ARL6IP5: variants seen among roughly 807,000 people sequenced by gnomAD.
The protein encoded by ARL6IP5 is PRA1 family protein 3.
In ARL6IP5, 6 loss-of-function variants were observed where a neutral mutation model predicts 13.0. The ratio of observed to expected loss-of-function variants is 0.46; its 90% confidence interval spans 0.25 to 0.91. The LOEUF is 0.91. ARL6IP5 is among the 40% of genes least tolerant of loss of function. The probability of loss-of-function intolerance (pLI) is 0.17; values close to 1 mark genes in which losing one functional copy is unlikely to be tolerated. For synonymous variants in ARL6IP5, 91 were observed against 91.9 expected (o/e 0.99, Z 0.06); for missense variants, 208 against 248.8 (o/e 0.84, Z 1.10).
At chr3:69,091,674 T>C (rs1211642653) in intron 1 of ARL6IP5, among the ~76,000 whole-genome samples, 6 of 137,748 alleles carry the variant, frequency 4.4e-5, no homozygotes, top group African/African-American at 8.5e-5. Flanking sequence ...TTTTTTTTTT[T>C]CAATGTTGCC....
At position 69,104,516 on chromosome 3, in the gene ARL6IP5, G is replaced by T. The variant is rs1575866161; in HGVS notation, c.447G>T (p.Glu149Asp). ...TTCGGAACCTCAAGAACAAACTGGA[G>T]AATAAAATGGAAGGAATAGGTTTGA... is the stretch of plus-strand genomic sequence containing the variant. ...LRLRNLKNKL[E>D]NKMEGIGLKR... is the part of the protein sequence containing the mutation. The change falls in exon 3 of 3, where the codon GAG (glutamate) becomes GAT (aspartate). Residue 149 changes from glutamate (E) to aspartate (D), a missense_variant. Glu to Asp is a conservative substitution (Grantham distance 45). Coordinates refer to ENST00000273258, the MANE Select transcript of ARL6IP5 (RefSeq NM_006407.4). 4.3e-6 allele frequency: 7 copies of T among 1,614,040 alleles called. No homozygotes were observed. Among genetic ancestry groups the T allele is most frequent in the Non-Finnish European group, 5.1e-6 (6 of 1,179,946 alleles).
chr3:69,102,405 A>G (rs1311441740), intron 2 of ARL6IP5, among the ~76,000 whole-genome samples: 1 of 152,126 alleles, frequency 6.6e-6, no homozygotes, highest in African/African-American at 2.4e-5. Flanking sequence ...AGCTGGGACC[A>G]CAGGTGCACA....
At chr3:69,102,360 T>C in intron 2 of ARL6IP5, 1 of 359,234 alleles carries the variant, frequency 2.8e-6, no homozygotes, top group Non-Finnish European at 5.3e-6. Context: ...CGCTGTGGTG[T>C]TATCTCGGCT....
intron 1 of ARL6IP5, among the ~76,000 whole-genome samples, chr3:69,097,393 CAA>C (rs959274023): frequency 8.7e-5 from 13 of 150,154 alleles, no homozygotes; most frequent in African/African-American, 3.2e-4. Context: ...AGGATGGCCT[CAA>C]ACTCCTGGGC....
chr3:69,092,402 A>C (rs2092270797), intron 1 of ARL6IP5, among the ~76,000 whole-genome samples: 1 of 152,120 alleles, frequency 6.6e-6, no homozygotes, highest in Admixed American at 6.5e-5. Flanking sequence ...GCTCGTTAGC[A>C]TTTGTCCAGC....
intron 1 of ARL6IP5, among the ~76,000 whole-genome samples, chr3:69,091,858 C>T (rs1022654502): frequency 1.3e-5 from 2 of 152,030 alleles, no homozygotes; most frequent in African/African-American, 4.8e-5. Flanking sequence ...ACAGGAAATC[C>T]AGTTCAAAAA....
chr3:69,101,189 G>A (rs1444365336), intron 1 of ARL6IP5, among the ~76,000 whole-genome samples: 5 of 152,008 alleles, frequency 3.3e-5, no homozygotes, highest in Non-Finnish European at 5.9e-5. Context: ...ACAACCTACT[G>A]TGTACTAGAG....
chr3:69,094,535 C>T (rs1370725593), intron 1 of ARL6IP5, among the ~76,000 whole-genome samples: 1 of 151,938 alleles, frequency 6.6e-6, no homozygotes, highest in Non-Finnish European at 1.5e-5. Flanking sequence ...TAGAGAAGTC[C>T]ACCGTGAGTA....
At chr3:69,094,447 A>G (rs1866267) in intron 1 of ARL6IP5, among the ~76,000 whole-genome samples, 92,694 of 152,050 alleles carry the variant, frequency 0.61, 28,607 homozygotes, top group Non-Finnish European at 0.66. Context: ...AGAACAATGA[A>G]AAGAAAATGG....
At chr3:69,096,891 T>G (rs2092289061) in intron 1 of ARL6IP5, among the ~76,000 whole-genome samples, 1 of 152,078 alleles carries the variant, frequency 6.6e-6, no homozygotes, top group African/African-American at 2.4e-5. Flanking sequence ...TGTGAGCCAC[T>G]GTACCTGGCG....
rs368928485 is a variant in ARL6IP5, at chr3:69,104,687, C to G, written c.*51C>G. The G allele has an allele frequency of 1.1e-4, 168 of 1,594,166 alleles. No individual in the cohort carries two copies. The highest frequency in any genetic ancestry group is 1.4e-4 in the Non-Finnish European group (160 of 1,166,672). ...CAGCAGAAATTGAGTTGCAGCTTGC[C>G]CTTGTCCAGACCTATGTTCTGCTTG... On this transcript the variant is annotated 3_prime_UTR_variant, in exon 3 of 3. Coordinates refer to ENST00000273258, the MANE Select transcript of ARL6IP5 (RefSeq NM_006407.4).
Position 69,104,711 on chromosome 3 carries a change from T to TG in ARL6IP5, c.*76dup. On this transcript the variant is annotated 3_prime_UTR_variant, in exon 3 of 3. Coordinates refer to ENST00000273258, the MANE Select transcript of ARL6IP5 (RefSeq NM_006407.4). The stretch of plus-strand genomic sequence containing the variant: ...CCCTTGTCCAGACCTATGTTCTGCT[T>TG]GCGTTTTTGAAACAGGAGGTGCACG... 1 of 1,539,450 alleles carries TG rather than the reference T, an allele frequency of 6.5e-7. No individual in the cohort carries two copies. Among genetic ancestry groups the TG allele is most frequent in the Admixed American group, 1.8e-5 (1 of 54,064 alleles).
rs549402201 is a variant in ARL6IP5, at chr3:69,101,316, C to CTTTTTTTTTTTTTTTTTTT, written c.177-520_177-502dup. On this transcript the variant is annotated intron_variant, in intron 1 of 2. Transcript: ENST00000273258. ...TGCCTGGGTGTGATCTCAGCTCCAC[C>CTTTTTTTTTTTTTTTTTTT]TTTTTTTTTTTTTTTTTTTTTAATG... 6.0e-4 allele frequency among the ~76,000 whole-genome samples: 72 copies of CTTTTTTTTTTTTTTTTTTT among 119,436 alleles called. 1 individual carries two copies. The highest frequency in any genetic ancestry group is 3.8e-3 in the East Asian group (11 of 2,898). The allele number at this position is 119,436 out of a possible 152,430, so 78.4% of individuals were successfully genotyped here. A position where few individuals can be genotyped will look rare whatever the true frequency, so the allele number is the denominator to read the frequency against.
intron 1 of ARL6IP5, among the ~76,000 whole-genome samples, chr3:69,099,744 A>T (rs1313281331): frequency 6.6e-6 from 1 of 152,134 alleles, no homozygotes; most frequent in African/African-American, 2.4e-5. Flanking sequence ...GTTACTATTC[A>T]GGGCATGAGG....
At position 69,105,054 on chromosome 3, in the gene ARL6IP5, T is replaced by C; in HGVS notation, c.*418T>C. ...GTAGATGACATCATGTGTTAGCCTGTTCCTAATCCCCTAGAATTGTAATGT... is the reference window on the plus strand; with the variant it reads ...GTAGATGACATCATGTGTTAGCCTGCTCCTAATCCCCTAGAATTGTAATGT... On this transcript the variant is annotated 3_prime_UTR_variant, in exon 3 of 3. Transcript: ENST00000273258. 1 of 585,670 alleles carries C rather than the reference T, an allele frequency of 1.7e-6. No homozygotes were observed. The highest frequency in any genetic ancestry group is 3.0e-6 in the Non-Finnish European group (1 of 332,676). 36.3% of individuals were successfully genotyped at this position (585,670 alleles called of 1,614,324 possible).
chr3:69,092,580 C>T (rs1322447066), intron 1 of ARL6IP5, among the ~76,000 whole-genome samples: 2 of 152,250 alleles, frequency 1.3e-5, no homozygotes, highest in Admixed American at 6.5e-5. Flanking sequence ...AAGCGATTCT[C>T]CTGCCTTAGC....
chr3:69,088,774 C>T (rs146338580), intron 1 of ARL6IP5, among the ~76,000 whole-genome samples: 19 of 152,354 alleles, frequency 1.2e-4, no homozygotes, highest in Non-Finnish European at 1.9e-4. Flanking sequence ...TTACCTTCTG[C>T]ATCCTTGATG....
In ARL6IP5 at chr3:69,085,071, C is replaced by T; in HGVS notation, c.24C>T (p.Leu8=). 3.1e-6 allele frequency: 5 copies of T among 1,614,140 alleles called. No homozygotes were observed. Among genetic ancestry groups the T allele is most frequent in the Non-Finnish European group, 4.2e-6 (5 of 1,180,004 alleles). ...ACATGGACGTTAATATCGCCCCACT[C>T]CGCGCCTGGGACGATTTCTTCCCGG... MDVNIAP[L]RAWDDFFPGS... Residue 8 remains leucine, a synonymous_variant, in exon 1 of 3, where the codon CTC becomes CTT. Transcript: ENST00000273258.
intron 1 of ARL6IP5, among the ~76,000 whole-genome samples, chr3:69,088,012 T>C (rs2107510146): frequency 6.6e-6 from 1 of 152,306 alleles, no homozygotes; most frequent in South Asian, 2.1e-4. Context: ...TGCAAAGTAT[T>C]TTACCTGCAT....
Sources: allele counts gnomAD v4.1 joint callset (sites outside exome capture counted in the v4.1 genomes callset), GRCh38; gene constraint gnomAD v4.1.1; transcripts MANE v1.5; gene names NCBI Gene and HGNC (gene_info 2026-07-23, HGNC 2026-07-21).